The following MLX variants were observed in gnomAD, a reference collection of about 807,000 sequenced individuals.
MLX encodes max-like protein X.
A neutral mutation model predicts 33.0 loss-of-function variants in MLX; 15 were observed. The ratio of observed to expected loss-of-function variants is 0.45; its 90% CI spans 0.30 to 0.70. The LOEUF (loss-of-function observed/expected upper bound fraction) is 0.70. Among genes scored for constraint, MLX ranks in the 30% least tolerant of loss-of-function variants. MLX has a pLI of 0.07. For synonymous variants in MLX, 115 were observed against 115.6 expected (o/e 0.99, Z 0.03); for missense variants, 285 against 306.3 (o/e 0.93, Z 0.52).
chr17:42,569,860 C>G, intron 6 of MLX, 122 bp from the exon 7 acceptor site: 1 of 943,106 alleles, frequency 1.1e-6, no homozygotes, highest in Admixed American at 2.0e-5. Context: ...CTCCCTGATA[C>G]TGAACCCCAC....
At chr17:42,569,423 T>G (rs2093021861) in intron 5 of MLX, 84 bp from the exon 6 acceptor site, 1 of 1,506,114 alleles carries the variant, frequency 6.6e-7, no homozygotes. Context: ...AGTTGGGGTC[T>G]GGGGTAAGGG....
At chr17:42,570,206 G>T (rs1219282294) in intron 7 of MLX, 23 bp downstream of exon 7, 4 of 1,610,446 alleles carry the variant, frequency 2.5e-6, no homozygotes, top group Non-Finnish European at 3.4e-6. Flanking sequence ...AATAGGCACA[G>T]GGTCTGCGGT....
chr17:42,569,219 C>T lies in MLX; in HGVS notation c.292C>T (p.Leu98Phe). 1 of 1,614,102 alleles carries T rather than the reference C, an allele frequency of 6.2e-7. No homozygotes were observed. Among genetic ancestry groups the T allele is most frequent in the Non-Finnish European group, 8.5e-7 (1 of 1,180,008 alleles). Residue 98 changes from leucine (L) to phenylalanine (F), a missense_variant, in exon 5 of 8, where the codon CTT becomes TTT. Leu to Phe is a conservative substitution (Grantham distance 22). Transcript: ENST00000435881. Reference protein sequence around the residue: ...RDAIKRGYDDLQTIVPTCQQQ... With the variant: ...RDAIKRGYDDFQTIVPTCQQQ... Reference sequence around the variant, plus strand: ...GTTTCCACAGAGAGGCTATGATGACCTTCAGACCATCGTCCCCACTTGCCA... The same window carrying T: ...GTTTCCACAGAGAGGCTATGATGACTTTCAGACCATCGTCCCCACTTGCCA...
At chr17:42,571,121 T>G (rs2093030076) in intron 7 of MLX, among the ~76,000 whole-genome samples, 1 of 150,696 alleles carries the variant, frequency 6.6e-6, no homozygotes, top group African/African-American at 2.4e-5. Flanking sequence ...ACTGCAGACA[T>G]CAGTACTTCC....
Position 42,569,198 on chromosome 17 carries a change from C to A in MLX, c.277-6C>A. The A allele has an allele frequency of 6.2e-7, 1 of 1,613,506 alleles. No individual in the cohort carries two copies. The highest frequency in any genetic ancestry group is 8.5e-7 in the Non-Finnish European group (1 of 1,179,558). ...AAAGAACCCATTTCCCCTGCTGTTT[C>A]CACAGAGAGGCTATGATGACCTTCA... On this transcript the variant is annotated splice_region_variant and splice_polypyrimidine_tract_variant and intron_variant, in intron 4 of 7. Coordinates refer to ENST00000435881, the MANE Select transcript of MLX (RefSeq NM_198204.2).
Position 42,570,029 on chromosome 17 carries a change from G to A in MLX, c.524G>A (p.Gly175Glu), listed in dbSNP as rs1290426197. Residue 175 changes from glycine (G) to glutamate (E), a missense_variant, in exon 7 of 8, where the codon GGG becomes GAG. Gly to Glu is a moderately conservative substitution (Grantham distance 98, BLOSUM62 -2). Transcript: ENST00000435881. ...VKAHQDNPHE[G>E]EDQVSDQVKF... ...GCACACCAGGACAACCCCCATGAAG[G>A]GGAGGACCAGGTCTCTGACCAGGTC... 1 of 1,614,122 alleles carries A rather than the reference G, an allele frequency of 6.2e-7. No homozygotes were observed. The highest frequency in any genetic ancestry group is 1.3e-5 in the African/African-American group (1 of 75,048).
intron 7 of MLX, among the ~76,000 whole-genome samples, chr17:42,571,172 CTG>C (rs893348916): frequency 6.8e-6 from 1 of 147,166 alleles, no homozygotes; most frequent in Non-Finnish European, 1.5e-5. Context: ...GAGTCTCACT[CTG>C]TCACCAAGGC....
rs2093020250 is a variant in MLX, at chr17:42,568,955, G to A, written c.276+12G>A. 2.5e-6 allele frequency: 4 copies of A among 1,601,354 alleles called. No individual in the cohort carries two copies. Among genetic ancestry groups the A allele is most frequent in the Admixed American group, 1.7e-5 (1 of 58,634 alleles). The stretch of plus-strand genomic sequence containing the variant: ...GGGACGCCATCAAGGTGAACAGGGA[G>A]GCCTGTGCCTCAGCCAGTGCGGGAG... On this transcript the variant is annotated intron_variant, in intron 4 of 7. Transcript: ENST00000435881.
chr17:42,572,751 G>C lies in MLX; in HGVS notation c.*1148G>C, dbSNP rs948677037. 11 of 674,770 alleles carry C rather than the reference G, an allele frequency of 1.6e-5. No individual in the cohort carries two copies. In the African/African-American group the frequency reaches 1.8e-4, roughly 11 times the overall value. 41.8% of individuals were successfully genotyped at this position (674,770 alleles called of 1,614,324 possible). A position where few individuals can be genotyped will look rare whatever the true frequency, so the allele number is the denominator to read the frequency against. On this transcript the variant is annotated 3_prime_UTR_variant, in exon 8 of 8. Coordinates refer to ENST00000435881, the MANE Select transcript of MLX (RefSeq NM_198204.2). ...GTCTAAATGTTAACCTCAAGCTACT[G>C]CAATTTAGACAATGAAATGGGCTGG...
In MLX at chr17:42,570,033, G is replaced by C. The variant is rs370455047; in HGVS notation, c.528G>C (p.Glu176Asp). ...ACCAGGACAACCCCCATGAAGGGGAGGACCAGGTCTCTGACCAGGTCAAGT... is the reference window on the plus strand; with the variant it reads ...ACCAGGACAACCCCCATGAAGGGGACGACCAGGTCTCTGACCAGGTCAAGT... ...KAHQDNPHEG[E>D]DQVSDQVKFN... Residue 176 changes from glutamate to aspartate, a missense_variant, in exon 7 of 8, where the codon GAG becomes GAC. By Grantham distance (45) the Glu-to-Asp change is conservative (BLOSUM62 2). Coordinates refer to ENST00000435881, the MANE Select transcript of MLX (RefSeq NM_198204.2). 3 of 1,614,018 alleles carry C rather than the reference G, an allele frequency of 1.9e-6. No individual in the cohort carries two copies. The African/African-American group carries it at 4.0e-5, about 22-fold the overall frequency.
Position 42,571,633 on chromosome 17 carries a change from A to G in MLX, c.*30A>G, listed in dbSNP as rs776226134. ...TTCTTGGAAACCTGGAGAACAGCCA[A>G]CAAGAGGCCCTTGAATCTCTACGTG... On this transcript the variant is annotated 3_prime_UTR_variant, in exon 8 of 8. Transcript: ENST00000435881. 5.0e-5 allele frequency: 80 copies of G among 1,593,464 alleles called. 1 individual carries two copies. The highest frequency in any genetic ancestry group is 6.6e-5 in the Non-Finnish European group (77 of 1,163,654).
Position 42,572,888 on chromosome 17 carries a change from A to G in MLX, c.*1285A>G, listed in dbSNP as rs755741929. On this transcript the variant is annotated 3_prime_UTR_variant, in exon 8 of 8. Coordinates refer to ENST00000435881, the MANE Select transcript of MLX (RefSeq NM_198204.2). The stretch of plus-strand genomic sequence containing the variant: ...GTAGCAGGAACAACAACAAAAGCCA[A>G]CCAAAAACAAGGTAGCCAGTGCAAG... The G allele has an allele frequency of 5.2e-6, 8 of 1,540,946 alleles. No homozygotes were observed. In the African/African-American group the frequency reaches 5.5e-5, roughly 11 times the overall value.
chr17:42,567,689 A>C, intron 2 of MLX, 34 bp downstream of exon 2: 1 of 1,613,838 alleles, frequency 6.2e-7, no homozygotes, highest in Non-Finnish European at 8.5e-7. Flanking sequence ...CTCTAGAGGG[A>C]CACTCCCGCC....
Position 42,571,543 on chromosome 17 carries a change from C to T in MLX, c.679-4C>T. ...TCTATTTCTTCCTCTGCTGCCCTCG[C>T]CAGACCCTGCGGGAGATTGTGATTG... is the stretch of plus-strand genomic sequence containing the variant. On this transcript the variant is annotated splice_polypyrimidine_tract_variant and splice_region_variant and intron_variant, in intron 7 of 7. Coordinates refer to ENST00000435881, the MANE Select transcript of MLX (RefSeq NM_198204.2). The T allele has an allele frequency of 1.9e-6, 3 of 1,614,132 alleles. No homozygotes were observed. Among genetic ancestry groups the T allele is most frequent in the Non-Finnish European group, 2.5e-6 (3 of 1,179,992 alleles).
rs1345385249 is a variant in MLX, at chr17:42,572,396, C to G, written c.*793C>G. 1 of 454,652 alleles carries G rather than the reference C, an allele frequency of 2.2e-6. No individual in the cohort carries two copies. The highest frequency in any genetic ancestry group is 1.6e-5 in the South Asian group (1 of 64,480). The allele number at this position is 454,652 out of a possible 1,614,324, so 28.2% of individuals were successfully genotyped here. A position where few individuals can be genotyped will look rare whatever the true frequency, so the allele number is the denominator to read the frequency against. On this transcript the variant is annotated 3_prime_UTR_variant, in exon 8 of 8. Coordinates refer to ENST00000435881, the MANE Select transcript of MLX (RefSeq NM_198204.2). Reference sequence around the variant, plus strand: ...TGAAATATTAACTGAGCCTCAAAATCACCCTTTCTGTCAAGCATATCTTGG... The same window carrying G: ...TGAAATATTAACTGAGCCTCAAAATGACCCTTTCTGTCAAGCATATCTTGG...
Position 42,572,935 on chromosome 17 carries a change from C to T in MLX, c.*1332C>T. 1 of 1,610,888 alleles carries T rather than the reference C, an allele frequency of 6.2e-7. No homozygotes were observed. Among genetic ancestry groups the T allele is most frequent in the Non-Finnish European group, 8.5e-7 (1 of 1,177,500 alleles). On this transcript the variant is annotated 3_prime_UTR_variant, in exon 8 of 8. Coordinates refer to ENST00000435881, the MANE Select transcript of MLX (RefSeq NM_198204.2). ...CAAGACATCTCACTCTTCTGACATC[C>T]TGCAGTCCCCACCAGTCCTGACCGT...
rs575695703 is a variant in MLX at position 42,569,494 on chromosome 17, GC to G, written c.377-8del. 7,710 of 1,604,706 alleles carry G rather than the reference GC, an allele frequency of 4.8e-3. 21 individuals are homozygous for G. The highest frequency in any genetic ancestry group is 5.9e-3 in the Non-Finnish European group (6,933 of 1,174,676). ...CTTCTGTACCTGTCCTTTTTTTCTT[GC>G]CCCCACCCTAGCCATTGACTACATT... On this transcript the variant is annotated splice_polypyrimidine_tract_variant and intron_variant, in intron 5 of 7. Transcript: ENST00000435881.
intron 1 of MLX, 68 bp from the exon 2 acceptor site, chr17:42,567,551 G>C: frequency 1.9e-6 from 3 of 1,608,504 alleles, no homozygotes; most frequent in Non-Finnish European, 2.5e-6. Context: ...GTGCGTGCCT[G>C]CAGTGGAAGG....
Position 42,569,529 on chromosome 17 carries a change from G to A in MLX, c.399G>A (p.Leu133=). 1.2e-6 allele frequency: 2 copies of A among 1,614,038 alleles called. No individual in the cohort carries two copies. Among genetic ancestry groups the A allele is most frequent in the South Asian group, 1.1e-5 (1 of 91,082 alleles). Residue 133 remains leucine (L), a synonymous_variant, in exon 6 of 8, where the codon TTG becomes TTA. Transcript: ENST00000435881. ...LQKTIDYIQF[L]HKEKKKQEEE... ...TAGCCATTGACTACATTCAGTTTTT[G>A]CACAAGGAGAAGAAAAAGCAGGAGG...
Sources: gnomAD v4.1 joint callset for allele counts (sites outside exome capture counted in the v4.1 genomes callset) on GRCh38, gnomAD v4.1.1 for gene constraint, MANE v1.5 for transcripts, NCBI Gene and HGNC (gene_info 2026-07-23, HGNC 2026-07-21) for gene names.